Variants in NDUFS4 observed in about 807,000 individuals in gnomAD.
NDUFS4 encodes the protein NADH dehydrogenase [ubiquinone] iron-sulfur protein 4, mitochondrial.
NDUFS4 carries 28 observed loss-of-function variants against 24.3 expected under a neutral mutation model. That is an observed-to-expected ratio of 1.15 (90% CI 0.85 to 1.58). The LOEUF is 1.58. Among genes scored for constraint, NDUFS4 ranks in the 40% most tolerant of loss-of-function variants. The pLI, the probability that NDUFS4 is intolerant of heterozygous loss-of-function variation, is 0.00. For missense variants in NDUFS4, 223 were observed against 207.9 expected, an observed-to-expected ratio of 1.07 and a Z score of -0.45; for synonymous variants, 93 against 69.7, an observed-to-expected ratio of 1.34 and a Z score of -1.67.
At chr5:53,576,348 T>C (rs1158700959) in intron 1 of NDUFS4, among the ~76,000 whole-genome samples, 1 of 152,164 alleles carries the variant, frequency 6.6e-6, no homozygotes, top group East Asian at 1.9e-4. Context: ...TACCAAGCAA[T>C]GGAAAGGGTA....
chr5:53,565,124 C>G (rs1338339848), intron 1 of NDUFS4, among the ~76,000 whole-genome samples: 1 of 152,196 alleles, frequency 6.6e-6, no homozygotes, highest in Non-Finnish European at 1.5e-5. Flanking sequence ...TTGTCATATT[C>G]CTTTTCCCTC....
intron 1 of NDUFS4, among the ~76,000 whole-genome samples, chr5:53,578,042 A>G (rs752275583): frequency 6.6e-6 from 1 of 152,156 alleles, no homozygotes; most frequent in South Asian, 2.1e-4. Flanking sequence ...TCCCACTTTC[A>G]TCTCTGACTG....
chr5:53,657,987 A>T (rs1401280062), intron 3 of NDUFS4, among the ~76,000 whole-genome samples: 1 of 152,040 alleles, frequency 6.6e-6, no homozygotes, highest in Non-Finnish European at 1.5e-5. Flanking sequence ...TAAAGAGCCT[A>T]TGTAGATTTG....
intron 4 of NDUFS4, among the ~76,000 whole-genome samples, chr5:53,674,913 T>G (rs1027150380): frequency 3.3e-5 from 5 of 152,110 alleles, no homozygotes; most frequent in African/African-American, 1.2e-4. Flanking sequence ...TGCTGTTTTA[T>G]TAAACCAAAA....
At chr5:53,586,190 G>A (rs1749748363) in intron 1 of NDUFS4, among the ~76,000 whole-genome samples, 1 of 151,240 alleles carries the variant, frequency 6.6e-6, no homozygotes, top group Admixed American at 6.6e-5. Flanking sequence ...TTAGCTGGGT[G>A]TGGTGGCAGG....
rs570750483 is a variant in NDUFS4, at chr5:53,668,224, A to G, written c.424+9600A>G. 1.5e-3 allele frequency among the ~76,000 whole-genome samples: 232 copies of G among 152,316 alleles called. 1 individual carries two copies. The highest frequency in any genetic ancestry group is 2.4e-3 in the Non-Finnish European group (165 of 68,018). On this transcript the variant is annotated intron_variant, in intron 4 of 4. Transcript: ENST00000296684. The stretch of plus-strand genomic sequence containing the variant: ...ATTTGTATATCAATTATCAAATACA[A>G]TTTGTTATCAATTGTATTTGAGATA...
intron 1 of NDUFS4, among the ~76,000 whole-genome samples, chr5:53,570,826 G>A (rs1256538989): frequency 6.6e-6 from 1 of 151,682 alleles, no homozygotes; most frequent in African/African-American, 2.4e-5. Context: ...TGGTATTACA[G>A]GTGCATGCCA....
chr5:53,580,516 T>C (rs1182065726), intron 1 of NDUFS4, among the ~76,000 whole-genome samples: 2 of 152,212 alleles, frequency 1.3e-5, no homozygotes, highest in African/African-American at 4.8e-5. Context: ...TTCTGTATCT[T>C]TTCCATGAAT....
chr5:53,663,936 T>C (rs2112529440), intron 4 of NDUFS4, among the ~76,000 whole-genome samples: 1 of 152,300 alleles, frequency 6.6e-6, no homozygotes, highest in East Asian at 1.9e-4. Context: ...CTCGATGGTC[T>C]TTACAATTTA....
intron 4 of NDUFS4, among the ~76,000 whole-genome samples, chr5:53,662,067 C>T (rs1302789992): frequency 6.6e-6 from 1 of 152,146 alleles, no homozygotes; most frequent in Non-Finnish European, 1.5e-5. Context: ...GCATCCCTGT[C>T]TTGTGCCAGT....
intron 1 of NDUFS4, among the ~76,000 whole-genome samples, chr5:53,581,106 T>A (rs1276165836): frequency 1.3e-5 from 2 of 152,212 alleles, no homozygotes; most frequent in Non-Finnish European, 2.9e-5. Flanking sequence ...GTGCTAGGAT[T>A]ACAGGCGTGA....
At chr5:53,647,034 T>G (rs181316043) in intron 3 of NDUFS4, among the ~76,000 whole-genome samples, 3 of 151,732 alleles carry the variant, frequency 2.0e-5, no homozygotes, top group Admixed American at 1.3e-4. Context: ...ATAGTGACAC[T>G]TTAACTTGTT....
intron 2 of NDUFS4, among the ~76,000 whole-genome samples, chr5:53,605,415 T>G (rs1342776381): frequency 1.3e-5 from 2 of 152,228 alleles, no homozygotes; most frequent in East Asian, 1.9e-4. Flanking sequence ...CTAAGTTCTC[T>G]TCTTTCTAGT....
intron 2 of NDUFS4, among the ~76,000 whole-genome samples, chr5:53,607,365 C>T (rs1330600715): frequency 6.6e-6 from 1 of 152,042 alleles, no homozygotes; most frequent in Non-Finnish European, 1.5e-5. Flanking sequence ...GTACTATGCT[C>T]AATACTTGGT....
chr5:53,639,131 C>T (rs1751636199), intron 2 of NDUFS4, among the ~76,000 whole-genome samples: 1 of 151,856 alleles, frequency 6.6e-6, no homozygotes, highest in Non-Finnish European at 1.5e-5. Context: ...TTTAGAACTT[C>T]TCTTACCAAA....
At chr5:53,676,587 C>T (rs1740476530) in intron 4 of NDUFS4, among the ~76,000 whole-genome samples, 1 of 152,090 alleles carries the variant, frequency 6.6e-6, no homozygotes. Context: ...GTTTGGGGAC[C>T]ATTTTAAACA....
At chr5:53,636,700 G>A (rs1045635299) in intron 2 of NDUFS4, among the ~76,000 whole-genome samples, 1 of 152,178 alleles carries the variant, frequency 6.6e-6, no homozygotes, top group Non-Finnish European at 1.5e-5. Context: ...TGGAGGTGGA[G>A]CCTGTTGGGA....
chr5:53,671,879 A>G (rs1740258512), intron 4 of NDUFS4, among the ~76,000 whole-genome samples: 1 of 151,778 alleles, frequency 6.6e-6, no homozygotes, highest in South Asian at 2.1e-4. Context: ...ATGTCATTTT[A>G]CCCCCTGTGT....
At chr5:53,677,318 T>G (rs369842521) in intron 4 of NDUFS4, among the ~76,000 whole-genome samples, 2 of 152,180 alleles carry the variant, frequency 1.3e-5, no homozygotes, top group East Asian at 3.9e-4. Flanking sequence ...CTACAGCAGG[T>G]GTAGAGTATT....
Sources: allele counts gnomAD v4.1 joint callset (sites outside exome capture counted in the v4.1 genomes callset), GRCh38; gene constraint gnomAD v4.1.1; transcripts MANE v1.5; gene names NCBI Gene and HGNC (gene_info 2026-07-23, HGNC 2026-07-21).